The following GABRR3 variants were observed in gnomAD, a reference collection of about 807,000 sequenced individuals.
The protein encoded by GABRR3 is gamma-aminobutyric acid receptor subunit rho-3.
GABRR3 carries 29 observed loss-of-function variants against 43.2 expected under a neutral mutation model. That is an observed-to-expected ratio of 0.67 (90% confidence interval 0.50 to 0.92). The LOEUF is 0.92. Among genes scored for constraint, GABRR3 ranks in the 40% least tolerant of loss-of-function variants. The pLI, the probability that GABRR3 is intolerant of heterozygous loss-of-function variation, is 0.00. For missense variants in GABRR3, 576 were observed against 572.3 expected, an observed-to-expected ratio of 1.01 and a Z score of -0.07; for synonymous variants, 206 against 195.9, an observed-to-expected ratio of 1.05 and a Z score of -0.43.
At chr3:98,004,583 G>C (rs1706699588) in intron 7 of GABRR3, among the ~76,000 whole-genome samples, 1 of 151,178 alleles carries the variant, frequency 6.6e-6, no homozygotes, top group South Asian at 2.1e-4. Context: ...AGAATTTTGA[G>C]AAAGGGATCA....
At chr3:97,990,052 T>C (rs1706442451) in intron 9 of GABRR3, among the ~76,000 whole-genome samples, 1 of 152,212 alleles carries the variant, frequency 6.6e-6, no homozygotes, top group South Asian at 2.1e-4. Flanking sequence ...TTGCATCCTA[T>C]TTCTTCCAAG....
chr3:98,014,745 G>A lies in GABRR3; in HGVS notation c.307-2178C>T, dbSNP rs571899883. 4.6e-5 allele frequency among the ~76,000 whole-genome samples: 7 copies of A among 152,142 alleles called. No individual in the cohort carries two copies. In the East Asian group the frequency reaches 9.7e-4, roughly 21 times the overall value. On this transcript the variant is annotated intron_variant, in intron 4 of 9. Transcript: ENST00000621172. ...TGTTCTGAACTTTTAGTGATTTGGA[G>A]GAATCACTATAAATAAAAATATGAA...
At chr3:98,004,404 C>T (rs1352357017) in intron 7 of GABRR3, among the ~76,000 whole-genome samples, 3 of 152,076 alleles carry the variant, frequency 2.0e-5, no homozygotes, top group Non-Finnish European at 4.4e-5. Flanking sequence ...TGTCCAAGGT[C>T]AGGTTGCTAA....
chr3:98,004,659 C>T (rs376937344), intron 7 of GABRR3, among the ~76,000 whole-genome samples: 24 of 147,920 alleles, frequency 1.6e-4, no homozygotes, highest in East Asian at 7.9e-4. Flanking sequence ...ACAGTGGCAA[C>T]GGTAGTGGTG....
At chr3:98,015,200 CTTGGTTTTA>C (rs777478499) in intron 4 of GABRR3, among the ~76,000 whole-genome samples, 104 of 152,246 alleles carry the variant, frequency 6.8e-4, no homozygotes, top group Middle Eastern at 6.8e-3. Flanking sequence ...AGAGCTACTC[CTTGGTTTTA>C]TTAAAAAGAG....
At chr3:98,010,667 GTTAA>G (rs1433839949) in intron 5 of GABRR3, among the ~76,000 whole-genome samples, 2 of 152,146 alleles carry the variant, frequency 1.3e-5, no homozygotes, top group Non-Finnish European at 2.9e-5. Flanking sequence ...AATCCACTGA[GTTAA>G]TTATTTACTG....
intron 9 of GABRR3, among the ~76,000 whole-genome samples, chr3:97,991,726 A>T (rs1706469386): frequency 6.6e-6 from 1 of 152,190 alleles, no homozygotes; most frequent in Non-Finnish European, 1.5e-5. Context: ...TAAGATCTAT[A>T]CTGGGGGCTG....
At chr3:97,991,980 T>C (rs1015521626) in intron 9 of GABRR3, among the ~76,000 whole-genome samples, 2 of 152,208 alleles carry the variant, frequency 1.3e-5, no homozygotes, top group African/African-American at 4.8e-5. Context: ...TATGTGTGTT[T>C]ATTCTGTTAA....
intron 7 of GABRR3, 70 bp from the exon 8 acceptor site, chr3:98,001,837 C>A: frequency 6.4e-7 from 1 of 1,552,640 alleles, no homozygotes; most frequent in Non-Finnish European, 8.8e-7. Flanking sequence ...AGTGAAATGA[C>A]CTGCTTCTTT....
intron 5 of GABRR3, among the ~76,000 whole-genome samples, chr3:98,011,186 T>C (rs577383427): frequency 6.6e-6 from 1 of 152,314 alleles, no homozygotes; most frequent in South Asian, 2.1e-4. Flanking sequence ...ATAAAATGCC[T>C]GGCAACAGCT....
rs772215382 is a variant in GABRR3, at chr3:98,001,782, CAA to C, written c.755-17_755-16del. On this transcript the variant is annotated splice_polypyrimidine_tract_variant and intron_variant, in intron 7 of 9. Transcript: ENST00000621172. ...ATTGTACCAACCTGTGGAAAAAAGC[CAA>C]AGTTTTCATTAGAGCAAGCTTCCCC... The C allele has an allele frequency of 2.5e-6, 4 of 1,612,348 alleles. No individual in the cohort carries two copies. In the Admixed American group the frequency reaches 5.0e-5, roughly 20 times the overall value.
chr3:98,015,151 G>C (rs1011556367), intron 4 of GABRR3, among the ~76,000 whole-genome samples: 1 of 152,170 alleles, frequency 6.6e-6, no homozygotes, highest in Admixed American at 6.5e-5. Context: ...GGAAAATGGA[G>C]TTTGAAAAGA....
At chr3:97,995,282 A>T (rs1051152956) in intron 8 of GABRR3, among the ~76,000 whole-genome samples, 1 of 152,142 alleles carries the variant, frequency 6.6e-6, no homozygotes, top group Non-Finnish European at 1.5e-5. Flanking sequence ...CAGCTAAAAA[A>T]TTTTTAATGT....
chr3:98,029,844 G>A (rs899277353), intron 2 of GABRR3, among the ~76,000 whole-genome samples: 2 of 152,032 alleles, frequency 1.3e-5, no homozygotes, highest in East Asian at 1.9e-4. Context: ...GGCCAGGTGC[G>A]ATGGCTCACA....
intron 2 of GABRR3, among the ~76,000 whole-genome samples, chr3:98,030,454 A>G (rs561980062): frequency 2.6e-5 from 4 of 152,336 alleles, no homozygotes; most frequent in Admixed American, 2.6e-4. Context: ...TTAAGTGAAG[A>G]AAATACAAAA....
chr3:98,022,494 A>C (rs904650327), intron 3 of GABRR3, among the ~76,000 whole-genome samples: 27 of 152,244 alleles, frequency 1.8e-4, no homozygotes, highest in Non-Finnish European at 2.2e-4. Context: ...AAGCATAAAG[A>C]AAGAAGATAA....
downstream of GABRR3, among the ~76,000 whole-genome samples, chr3:97,985,568 A>C (rs977370879): frequency 1.3e-5 from 2 of 152,204 alleles, no homozygotes; most frequent in Non-Finnish European, 2.9e-5. Context: ...CCTGTTGGCT[A>C]TGCACTTAGA....
At chr3:98,029,952 T>C (rs1707064876) in intron 2 of GABRR3, among the ~76,000 whole-genome samples, 1 of 151,582 alleles carries the variant, frequency 6.6e-6, no homozygotes, top group Admixed American at 6.6e-5. Context: ...CCATCTCTAC[T>C]AAAAATACAA....
chr3:98,016,444 C>T (rs1706874185), intron 4 of GABRR3, among the ~76,000 whole-genome samples: 1 of 152,100 alleles, frequency 6.6e-6, no homozygotes, highest in Non-Finnish European at 1.5e-5. Context: ...TAGAAGCTTC[C>T]TGAGGCCCTC....
Sources: gnomAD v4.1 joint callset for allele counts (sites outside exome capture counted in the v4.1 genomes callset) on GRCh38, gnomAD v4.1.1 for gene constraint, MANE v1.5 for transcripts, NCBI Gene and HGNC (gene_info 2026-07-23, HGNC 2026-07-21) for gene names.